The following MAGED1 variants were observed in gnomAD, a reference collection of about 807,000 sequenced individuals.
MAGED1 encodes the protein melanoma-associated antigen D1.
MAGED1 carries 3 observed loss-of-function variants against 54.1 expected under a neutral mutation model. That is an observed-to-expected ratio of 0.06 (90% CI 0.03 to 0.14). The LOEUF (loss-of-function observed/expected upper bound fraction) is 0.14, where lower values mean the gene tolerates loss of function less well. Among genes scored for constraint, MAGED1 ranks in the 10% least tolerant of loss-of-function variants. The pLI is 1.00. For synonymous variants in MAGED1, 217 were observed against 227.3 expected, an observed-to-expected ratio of 0.95 and a Z score of 0.41; for missense variants, 485 against 623.4, an observed-to-expected ratio of 0.78 and a Z score of 2.36.
chrX:51,816,990 C>T (rs1925455173), intron 1 of MAGED1, among the ~76,000 whole-genome samples: 1 of 111,570 alleles, frequency 9.0e-6, no homozygotes, highest in African/African-American at 3.3e-5. Flanking sequence ...AGGGGAGTTC[C>T]TGAACAGGAA....
intron 1 of MAGED1, among the ~76,000 whole-genome samples, chrX:51,847,971 T>C (rs1926747072): frequency 8.9e-6 from 1 of 112,279 alleles, no homozygotes; most frequent in Non-Finnish European, 1.9e-5. Context: ...GTTATGTACA[T>C]CTTCAGTTAG....
intron 1 of MAGED1, among the ~76,000 whole-genome samples, chrX:51,848,244 G>C (rs1179466586): frequency 9.0e-6 from 1 of 110,870 alleles, no homozygotes; most frequent in Non-Finnish European, 1.9e-5. Flanking sequence ...TGCAAGACTT[G>C]TTGTTATATA....
rs781867459 is a variant in MAGED1 at position 51,894,346 on chromosome X, C to T, written c.42C>T (p.Phe14=). ...ACTGTGGTGCGGGCCTCCTCGGCTT[C>T]CAGGTGAGATCTCCACTCCCCACCC... The part of the protein sequence containing the change: ...KMDCGAGLLG[F]QAEASVEDSA... Residue 14 remains phenylalanine, a synonymous_variant, in exon 2 of 13, where the codon TTC becomes TTT. Coordinates refer to ENST00000326587, the MANE Select transcript of MAGED1 (RefSeq NM_006986.4). 3.6e-5 allele frequency: 43 copies of T among 1,198,038 alleles called. No individual in the cohort carries two copies. Among genetic ancestry groups the T allele is most frequent in the Middle Eastern group, 4.6e-4 (2 of 4,349 alleles).
At chrX:51,815,741 G>A (rs1423007633) in intron 1 of MAGED1, among the ~76,000 whole-genome samples, 1 of 110,168 alleles carries the variant, frequency 9.1e-6, no homozygotes, top group East Asian at 2.9e-4. Flanking sequence ...GGCTGGTGTC[G>A]AATTCCTGAC....
chrX:51,860,275 G>GA (rs1198080224), intron 1 of MAGED1, among the ~76,000 whole-genome samples: 1 of 111,133 alleles, frequency 9.0e-6, no homozygotes. Context: ...AAAAAGAAAA[G>GA]AAAAAAAGGA....
intron 1 of MAGED1, among the ~76,000 whole-genome samples, chrX:51,822,486 A>G (rs1024395611): frequency 1.8e-5 from 2 of 110,402 alleles, no homozygotes. Flanking sequence ...TTTTATTTTC[A>G]TTGATGGCTC....
At chrX:51,816,040 T>A (rs1469398475) in intron 1 of MAGED1, among the ~76,000 whole-genome samples, 1 of 111,182 alleles carries the variant, frequency 9.0e-6, no homozygotes, top group African/African-American at 3.3e-5. Context: ...ACTCATTCAC[T>A]GACCCACCCA....
At chrX:51,888,695 C>T (rs1250519333), upstream of MAGED1, among the ~76,000 whole-genome samples, 1 of 112,094 alleles carries the variant, frequency 8.9e-6, no homozygotes, top group Non-Finnish European at 1.9e-5. Flanking sequence ...TTCACAGTAG[C>T]CCAAAACTGG....
At chrX:51,885,941 G>T (rs1928219381) in intron 1 of MAGED1, among the ~76,000 whole-genome samples, 1 of 110,591 alleles carries the variant, frequency 9.0e-6, no homozygotes, top group Admixed American at 9.6e-5. Flanking sequence ...ATATTATTCA[G>T]CCATAAAAAT....
intron 1 of MAGED1, among the ~76,000 whole-genome samples, chrX:51,844,368 A>G (rs1335472492): frequency 2.7e-5 from 3 of 112,471 alleles, no homozygotes; most frequent in East Asian, 5.6e-4. Context: ...GCAAAGTGTT[A>G]AAAGTATGGC....
In MAGED1 at chrX:51,842,543, C is replaced by T. The variant is rs1926535025; in HGVS notation, c.-37+39426C>T. Among the ~76,000 whole-genome samples, 3 of 111,601 alleles carry T rather than the reference C, an allele frequency of 2.7e-5. No homozygotes were observed. The South Asian group carries it at 1.1e-3, about 42-fold the overall frequency. The stretch of plus-strand genomic sequence containing the variant: ...GAGGCCCCAAAATGTTAATGGTGTT[C>T]CTATGAGATGAGGTCAGGCTATCAG... On this transcript the variant is annotated intron_variant, in intron 1 of 12. Transcript: ENST00000375772.
At chrX:51,813,401 G>A (rs1557355729) in intron 1 of MAGED1, among the ~76,000 whole-genome samples, 1 of 111,411 alleles carries the variant, frequency 9.0e-6, no homozygotes, top group African/African-American at 3.3e-5. Flanking sequence ...TAGAAAGCAT[G>A]AGTGCTTCAT....
In MAGED1 at chrX:51,895,372, C is replaced by T; in HGVS notation, c.365C>T (p.Pro122Leu). 1 of 1,207,465 alleles carries T rather than the reference C, an allele frequency of 8.3e-7. No homozygotes were observed. The highest frequency in any genetic ancestry group is 1.1e-6 in the Non-Finnish European group (1 of 893,203). The change falls in exon 3 of 13, where the codon CCA (proline) becomes CTA (leucine). Residue 122 changes from proline (P) to leucine (L), a missense_variant. Transcript: ENST00000326587. The part of the protein sequence containing the change: ...FKSQNATPKG[P>L]NAAYDFSQAA... Reference sequence around the variant, plus strand: ...TCCCAAAATGCTACCCCAAAGGGTCCAAATGCTGCCTATGATTTTTCCCAG... The same window carrying T: ...TCCCAAAATGCTACCCCAAAGGGTCTAAATGCTGCCTATGATTTTTCCCAG...
At chrX:51,837,512 TACAATGAAGCC>T (rs2146968212) in intron 1 of MAGED1, among the ~76,000 whole-genome samples, 1 of 112,297 alleles carries the variant, frequency 8.9e-6, no homozygotes, top group East Asian at 2.8e-4. Context: ...ATTTGTTTTT[TACAATGAAGCC>T]TTTGTGCTCT....
At chrX:51,808,456 C>T (rs188939436) in intron 1 of MAGED1, among the ~76,000 whole-genome samples, 1 of 112,121 alleles carries the variant, frequency 8.9e-6, no homozygotes, top group Non-Finnish European at 1.9e-5. Flanking sequence ...CCCCTGTAAT[C>T]CCAGCACTTT....
Position 51,893,670 on chromosome X carries a change from G to A in MAGED1, c.-122G>A, listed in dbSNP as rs1557363800. 1 of 113,508 alleles carries A rather than the reference G, an allele frequency of 8.8e-6. No individual in the cohort carries two copies. The highest frequency in any genetic ancestry group is 1.9e-5 in the Non-Finnish European group (1 of 53,411). 9.4% of individuals were successfully genotyped at this position (113,508 alleles called of 1,213,427 possible). A position where few individuals can be genotyped will look rare whatever the true frequency, so the allele number is the denominator to read the frequency against. On this transcript the variant is annotated 5_prime_UTR_variant, in exon 1 of 13. Coordinates refer to ENST00000326587, the MANE Select transcript of MAGED1 (RefSeq NM_006986.4). ...TCCTGGACAAGGAGAGAGTGCGGCTGCTGAGAGCCGAGCCCAGCAATCCCG... is the reference window on the plus strand; with the variant it reads ...TCCTGGACAAGGAGAGAGTGCGGCTACTGAGAGCCGAGCCCAGCAATCCCG...
At chrX:51,845,392 G>T (rs1926648542) in intron 1 of MAGED1, among the ~76,000 whole-genome samples, 1 of 112,440 alleles carries the variant, frequency 8.9e-6, no homozygotes, top group African/African-American at 3.2e-5. Flanking sequence ...ATATTTTTAG[G>T]CCTTTAGCCT....
intron 1 of MAGED1, among the ~76,000 whole-genome samples, chrX:51,878,947 G>A (rs1002310033): frequency 2.7e-5 from 3 of 110,870 alleles, no homozygotes; most frequent in East Asian, 5.7e-4. Context: ...CCTTTACTTA[G>A]GGGTGTTATA....
intron 1 of MAGED1, among the ~76,000 whole-genome samples, chrX:51,876,194 T>G (rs1271478495): frequency 9.0e-6 from 1 of 111,205 alleles, no homozygotes; most frequent in Admixed American, 9.5e-5. Context: ...TTAGCAGAGA[T>G]AAACTCTATG....
Sources: gnomAD v4.1 joint callset for allele counts (sites outside exome capture counted in the v4.1 genomes callset) on GRCh38, gnomAD v4.1.1 for gene constraint, MANE v1.5 for transcripts, NCBI Gene and HGNC (gene_info 2026-07-23, HGNC 2026-07-21) for gene names.